NFATC1: variants seen among roughly 807,000 people sequenced by gnomAD.
NFATC1 encodes nuclear factor of activated T cells 1, also known as nuclear factor of activated T-cells, cytoplasmic 1.
In NFATC1, 22 loss-of-function variants were observed where a neutral mutation model predicts 76.0. The ratio of observed to expected loss-of-function variants is 0.29; its 90% CI spans 0.21 to 0.41. The LOEUF is 0.41. NFATC1 is among the 10% of genes least tolerant of loss of function. NFATC1 has a pLI of 1.00. For missense variants in NFATC1, 1,357 were observed against 1,337.7 expected (o/e 1.01, Z -0.23); for synonymous variants, 704 against 613.1 (o/e 1.15, Z -2.19).
At chr18:79,400,233 T>C (rs1416912986) in intron 1 of NFATC1, 3 of 1,180,650 alleles carry the variant, frequency 2.5e-6, no homozygotes, top group African/African-American at 1.7e-5. Context: ...AGCCGGTTGT[T>C]TATGTAAACC....
intron 2 of NFATC1, 40 bp from the exon 3 acceptor site, chr18:79,433,539 G>A: frequency 6.2e-7 from 1 of 1,611,662 alleles, no homozygotes; most frequent in Non-Finnish European, 8.5e-7. Context: ...GGCGAGGTCT[G>A]TGTGGTGCTG....
intron 3 of NFATC1, among the ~76,000 whole-genome samples, chr18:79,441,594 C>A (rs1277884837): frequency 1.3e-5 from 2 of 152,132 alleles, no homozygotes; most frequent in Admixed American, 1.3e-4. Context: ...CCCGTCAGGC[C>A]CTGCTGGGGT....
chr18:79,509,384 C>T (rs537622859), intron 9 of NFATC1, among the ~76,000 whole-genome samples: 1 of 152,352 alleles, frequency 6.6e-6, no homozygotes, highest in Non-Finnish European at 1.5e-5. Context: ...CCCCAGGTCC[C>T]CCTTCACTGT....
intron 3 of NFATC1, among the ~76,000 whole-genome samples, chr18:79,437,378 C>T (rs953939790): frequency 6.6e-6 from 1 of 152,154 alleles, no homozygotes; most frequent in Non-Finnish European, 1.5e-5. Flanking sequence ...TGACCAGCAG[C>T]GCAGCCAGCC....
At chr18:79,503,462 G>A (rs1307195576) in intron 9 of NFATC1, among the ~76,000 whole-genome samples, 1 of 152,190 alleles carries the variant, frequency 6.6e-6, no homozygotes, top group East Asian at 1.9e-4. Flanking sequence ...ATTATTAAAG[G>A]GCTCTTTTTA....
intron 8 of NFATC1, among the ~76,000 whole-genome samples, chr18:79,473,438 G>T (rs1276611684): frequency 6.6e-6 from 1 of 152,258 alleles, no homozygotes; most frequent in East Asian, 1.9e-4. Context: ...TAAACCTGAG[G>T]GAAGCGTGTT....
chr18:79,478,895 C>T (rs982700047), intron 8 of NFATC1, among the ~76,000 whole-genome samples: 5 of 152,186 alleles, frequency 3.3e-5, no homozygotes, highest in East Asian at 3.9e-4. Flanking sequence ...AGGATGCAAG[C>T]GTGAGGCCTG....
At chr18:79,487,105 G>A (rs1377565064) in intron 9 of NFATC1, among the ~76,000 whole-genome samples, 168 bp downstream of exon 9, 2 of 152,198 alleles carry the variant, frequency 1.3e-5, no homozygotes, top group Non-Finnish European at 2.9e-5. Flanking sequence ...CGGTGCCACG[G>A]CGTCAGCGCC....
At chr18:79,468,542 C>T (rs1275869829) in intron 8 of NFATC1, 3 of 152,210 alleles carry the variant, frequency 2.0e-5, no homozygotes, top group Non-Finnish European at 2.9e-5. Flanking sequence ...GGAAATTACA[C>T]ACTGGGCGCT....
rs139169385 is a variant in NFATC1, at chr18:79,411,053, G to A, written c.778G>A (p.Ala260Thr). The change falls in exon 2 of 10, where the codon GCG (alanine) becomes ACG (threonine). Residue 260 changes from alanine (A) to threonine (T), a missense_variant. Around this residue, in one of 3 missense-constraint regions of NFATC1, gnomAD observed 691 missense variants for 613.1 expected, o/e 1.13. Transcript: ENST00000427363. ...GCTGGGTGCCCGCTCCTCCAGACCCGCGTCCCCTTGCAACAAGAGGAAGTA... is the reference window on the plus strand; with the variant it reads ...GCTGGGTGCCCGCTCCTCCAGACCCACGTCCCCTTGCAACAAGAGGAAGTA... ...SWLGARSSRP[A>T]SPCNKRKYSL... The A allele has an allele frequency of 2.8e-4, 447 of 1,611,778 alleles. 1 individual carries two copies. The highest frequency in any genetic ancestry group is 3.4e-4 in the Non-Finnish European group (404 of 1,179,554).
At chr18:79,432,786 A>G (rs776001493) in intron 2 of NFATC1, among the ~76,000 whole-genome samples, 8 of 152,196 alleles carry the variant, frequency 5.3e-5, no homozygotes, top group Non-Finnish European at 1.2e-4. Context: ...CTCCTACAGA[A>G]CACAGTTGGG....
At chr18:79,433,764 G>A (rs777033793) in intron 3 of NFATC1, 26 bp downstream of exon 3, 22 of 1,598,832 alleles carry the variant, frequency 1.4e-5, no homozygotes, top group Non-Finnish European at 1.4e-5. Context: ...AGACTCGCAC[G>A]TCACTTGGTG....
At chr18:79,441,677 C>T (rs1432335099) in intron 3 of NFATC1, among the ~76,000 whole-genome samples, 1 of 152,082 alleles carries the variant, frequency 6.6e-6, no homozygotes, top group East Asian at 1.9e-4. Flanking sequence ...CGCTTGGTGT[C>T]AGGCGACGCG....
At chr18:79,481,743 G>A (rs1014386071) in intron 8 of NFATC1, among the ~76,000 whole-genome samples, 1 of 151,928 alleles carries the variant, frequency 6.6e-6, no homozygotes. Context: ...CTGTTGTGAC[G>A]ACTGAATGTG....
intron 6 of NFATC1, among the ~76,000 whole-genome samples, chr18:79,456,756 G>A (rs77865749): frequency 0.11 from 16,112 of 152,210 alleles, 1,127 homozygotes; most frequent in Non-Finnish European, 0.15. Context: ...TGTTTTAGTC[G>A]TGCGGGATGT....
intron 6 of NFATC1, among the ~76,000 whole-genome samples, chr18:79,456,750 T>C (rs2087750203): frequency 6.6e-6 from 1 of 152,080 alleles, no homozygotes; most frequent in Non-Finnish European, 1.5e-5. Flanking sequence ...GTGTTCTGTT[T>C]TAGTCGTGCG....
intron 1 of NFATC1, among the ~76,000 whole-genome samples, chr18:79,406,862 G>A (rs1401724631): frequency 4.6e-5 from 7 of 151,916 alleles, no homozygotes; most frequent in East Asian, 3.9e-4. Context: ...CCACGGCTCC[G>A]CGGGTCTTCC....
intron 9 of NFATC1, among the ~76,000 whole-genome samples, chr18:79,501,229 G>A (rs8083584): frequency 0.064 from 9,794 of 152,218 alleles, 415 homozygotes; most frequent in Admixed American, 0.096. Context: ...CAGAAACCAC[G>A]TGATCATTTC....
intron 3 of NFATC1, among the ~76,000 whole-genome samples, chr18:79,441,436 A>C (rs1053360093): frequency 1.3e-5 from 2 of 152,134 alleles, no homozygotes; most frequent in African/African-American, 4.8e-5. Flanking sequence ...CAGCAGGCTT[A>C]GGGGCCATTC....
Sources: gnomAD v4.1 joint callset for allele counts (sites outside exome capture counted in the v4.1 genomes callset) on GRCh38, gnomAD v4.1.1 for gene constraint, gnomAD v4.1.1 regional missense constraint, MANE v1.5 for transcripts, NCBI Gene and HGNC (gene_info 2026-07-23, HGNC 2026-07-21) for gene names.